Variants in NTRK3 observed in about 807,000 individuals in gnomAD.
NTRK3 encodes neurotrophic receptor tyrosine kinase 3.
Under a neutral mutation model 91.7 loss-of-function variants are expected in NTRK3, and 24 were observed. That is an observed-to-expected ratio of 0.26 (90% CI 0.19 to 0.37). The LOEUF is 0.37. NTRK3 is among the 10% of genes least tolerant of loss of function. NTRK3 has a pLI of 1.00. For synonymous variants in NTRK3, 483 were observed against 404.0 expected, an observed-to-expected ratio of 1.20 and a Z score of -2.34; for missense variants, 880 against 1,068.9, an observed-to-expected ratio of 0.82 and a Z score of 2.46.
intron 5 of NTRK3, among the ~76,000 whole-genome samples, chr15:88,172,316 C>T (rs772760855): frequency 6.6e-6 from 1 of 152,142 alleles, no homozygotes; most frequent in Non-Finnish European, 1.5e-5. Flanking sequence ...AGACTAAACT[C>T]ATTTTCTAAA....
At chr15:87,943,970 G>A (rs1026499605) in intron 14 of NTRK3, among the ~76,000 whole-genome samples, 1 of 152,106 alleles carries the variant, frequency 6.6e-6, no homozygotes, top group African/African-American at 2.4e-5. Flanking sequence ...ATGTGCAAAT[G>A]GAACTTTTTC....
intron 3 of NTRK3, among the ~76,000 whole-genome samples, chr15:88,249,463 C>G (rs1473437999): frequency 6.6e-6 from 1 of 152,144 alleles, no homozygotes; most frequent in African/African-American, 2.4e-5. Flanking sequence ...AGAAGGCGGC[C>G]CCAGCACCTG....
intron 14 of NTRK3, among the ~76,000 whole-genome samples, chr15:88,021,784 G>T (rs1007282567): frequency 2.0e-5 from 3 of 152,096 alleles, no homozygotes; most frequent in African/African-American, 7.2e-5. Flanking sequence ...CAAATTCTTT[G>T]GGACATCTGT....
intron 13 of NTRK3, among the ~76,000 whole-genome samples, chr15:88,114,693 C>T (rs1040338552): frequency 6.6e-6 from 1 of 152,206 alleles, no homozygotes; most frequent in Admixed American, 6.5e-5. Flanking sequence ...TAAGCCTTGA[C>T]TATCTCTGAA....
At chr15:88,128,970 G>A (rs1175748482) in intron 10 of NTRK3, among the ~76,000 whole-genome samples, 1 of 152,134 alleles carries the variant, frequency 6.6e-6, no homozygotes, top group Non-Finnish European at 1.5e-5. Flanking sequence ...TTCAAGGGAG[G>A]TGGCCCATCT....
At chr15:88,084,321 T>C (rs1048076741) in intron 13 of NTRK3, among the ~76,000 whole-genome samples, 4 of 152,072 alleles carry the variant, frequency 2.6e-5, no homozygotes, top group African/African-American at 9.7e-5. Context: ...AGGAGAAGAC[T>C]GGAGAAAGAA....
chr15:88,141,576 T>C (rs1461578751), intron 6 of NTRK3, among the ~76,000 whole-genome samples: 1 of 152,182 alleles, frequency 6.6e-6, no homozygotes, highest in Non-Finnish European at 1.5e-5. Flanking sequence ...GATGCAGTCA[T>C]TCATTATTAA....
intron 17 of NTRK3, among the ~76,000 whole-genome samples, chr15:87,902,630 A>G (rs1394031628): frequency 7.8e-6 from 1 of 127,714 alleles, no homozygotes; most frequent in East Asian, 2.6e-4. Context: ...AGCCAACACT[A>G]GAAATAATTC....
At position 88,241,424 on chromosome 15, in the gene NTRK3, T is replaced by C. The variant is rs2052339958; in HGVS notation, c.248+14482A>G. Among the ~76,000 whole-genome samples the C allele has an allele frequency of 6.6e-6, 1 of 152,094 alleles. No individual in the cohort carries two copies. Among genetic ancestry groups the C allele is most frequent in the Non-Finnish European group, 1.5e-5 (1 of 68,004 alleles). ...GCGCAGGGAAGAGCAACCAATCATT[T>C]CCAGGGAGACAGAACATGACCCCGG... is the stretch of plus-strand genomic sequence containing the variant. On this transcript the variant is annotated intron_variant, in intron 3 of 18. Coordinates refer to ENST00000394480, the Ensembl canonical transcript of NTRK3. This position sits in a 1 kb window ranked among gnomAD's most constrained non-coding sequence, Gnocchi z 4.3.
At chr15:88,206,717 G>A (rs2048825597) in intron 3 of NTRK3, among the ~76,000 whole-genome samples, 1 of 151,088 alleles carries the variant, frequency 6.6e-6, no homozygotes, top group Admixed American at 6.6e-5. Context: ...TGGTTCTGAG[G>A]AGAAACCCAC....
chr15:88,046,864 G>T (rs144030285), intron 13 of NTRK3, among the ~76,000 whole-genome samples: 1 of 152,174 alleles, frequency 6.6e-6, no homozygotes, highest in Non-Finnish European at 1.5e-5. Flanking sequence ...ACAGAGGGTC[G>T]ATTGATTTTC....
intron 13 of NTRK3, among the ~76,000 whole-genome samples, chr15:88,051,641 ATTG>A (rs2080832620): frequency 6.6e-6 from 1 of 152,194 alleles, no homozygotes; most frequent in Non-Finnish European, 1.5e-5. Flanking sequence ...TCATCAGACT[ATTG>A]TTGGGGTTAA....
intron 5 of NTRK3, among the ~76,000 whole-genome samples, chr15:88,156,293 G>A (rs28642748): frequency 0.053 from 8,126 of 152,216 alleles, 600 homozygotes; most frequent in African/African-American, 0.16. Flanking sequence ...AGGAGGTGGA[G>A]AAGGACCGTG....
intron 14 of NTRK3, among the ~76,000 whole-genome samples, chr15:88,023,084 A>C (rs1160448681): frequency 6.6e-6 from 1 of 152,170 alleles, no homozygotes; most frequent in East Asian, 1.9e-4. Flanking sequence ...ATGGGGGAAA[A>C]ATGTCAAAGT....
chr15:88,159,054 G>A (rs1195337772), intron 5 of NTRK3, among the ~76,000 whole-genome samples: 2 of 152,240 alleles, frequency 1.3e-5, no homozygotes, highest in Non-Finnish European at 2.9e-5. Flanking sequence ...GGCGGGCACT[G>A]TCAGGGCTGG....
At chr15:88,145,947 A>T (rs1459245940) in intron 6 of NTRK3, among the ~76,000 whole-genome samples, 1 of 152,178 alleles carries the variant, frequency 6.6e-6, no homozygotes, top group Non-Finnish European at 1.5e-5. Flanking sequence ...CTTTGGGTCC[A>T]CACACTGCCA....
intron 10 of NTRK3, among the ~76,000 whole-genome samples, chr15:88,128,948 A>C (rs2053559594): frequency 6.6e-6 from 1 of 152,196 alleles, no homozygotes; most frequent in Non-Finnish European, 1.5e-5. Context: ...AATGAGAGAT[A>C]AAGTTCCTGG....
chr15:88,128,780 C>T (rs1357952947), intron 10 of NTRK3, 46 bp from the exon 11 acceptor site: 1 of 1,542,898 alleles, frequency 6.5e-7, no homozygotes, highest in Non-Finnish European at 9.0e-7. Flanking sequence ...TAATAAAAAC[C>T]AGAACAGACA....
intron 3 of NTRK3, among the ~76,000 whole-genome samples, chr15:88,254,589 G>T (rs946064289): frequency 3.9e-5 from 6 of 152,184 alleles, no homozygotes; most frequent in Non-Finnish European, 7.3e-5. Flanking sequence ...TTTCCAAAGA[G>T]CAGGACTGCA....
Sources: allele counts gnomAD v4.1 joint callset (sites outside exome capture counted in the v4.1 genomes callset), GRCh38; gene constraint gnomAD v4.1.1; non-coding constraint Gnocchi (gnomAD v3.1); transcripts MANE v1.5; gene names NCBI Gene and HGNC (gene_info 2026-07-23, HGNC 2026-07-21).